Variants in OCA2 observed in about 807,000 individuals in gnomAD.
OCA2 encodes the protein P protein.
Under a neutral mutation model 100.2 loss-of-function variants are expected in OCA2, and 77 were observed. The ratio of observed to expected loss-of-function variants is 0.77; its 90% CI spans 0.64 to 0.93. The LOEUF is 0.93. OCA2 is among the 40% of genes least tolerant of loss of function. The pLI is 0.00. For synonymous variants in OCA2, 432 were observed against 439.2 expected (o/e 0.98, Z 0.21); for missense variants, 1,062 against 1,089.1 (o/e 0.98, Z 0.35).
chr15:28,025,567 C>G (rs2042725080), intron 4 of OCA2, among the ~76,000 whole-genome samples: 1 of 152,238 alleles, frequency 6.6e-6, no homozygotes, highest in Non-Finnish European at 1.5e-5. Flanking sequence ...GTCCTTGCTG[C>G]TCCCAGACCG....
downstream of OCA2, among the ~76,000 whole-genome samples, chr15:27,751,067 T>C (rs2030050178): frequency 6.6e-6 from 1 of 152,224 alleles, no homozygotes; most frequent in South Asian, 2.1e-4. Context: ...GAGGGACCTG[T>C]GGCCATTTAC....
intron 19 of OCA2, among the ~76,000 whole-genome samples, chr15:27,918,779 T>C (rs2038759866): frequency 6.6e-6 from 1 of 152,190 alleles, no homozygotes. Flanking sequence ...AGCAGCTGGA[T>C]AAATTGTCCC....
chr15:28,033,314 T>C (rs1420246666), intron 2 of OCA2, among the ~76,000 whole-genome samples: 2 of 152,236 alleles, frequency 1.3e-5, no homozygotes, highest in African/African-American at 4.8e-5. Flanking sequence ...AGAGATGCTG[T>C]AGATGCTATG....
chr15:27,831,695 T>C (rs1263709883), intron 23 of OCA2, among the ~76,000 whole-genome samples: 1 of 152,140 alleles, frequency 6.6e-6, no homozygotes, highest in Non-Finnish European at 1.5e-5. Flanking sequence ...CCGTTCTCTA[T>C]CACTGGAAGG....
chr15:27,917,597 T>G (rs1291746693), intron 19 of OCA2, among the ~76,000 whole-genome samples: 1 of 152,168 alleles, frequency 6.6e-6, no homozygotes, highest in East Asian at 1.9e-4. Flanking sequence ...CTCCCCATTA[T>G]GCCAGAGGCT....
chr15:27,966,478 T>C (rs2040570009), intron 15 of OCA2, among the ~76,000 whole-genome samples: 1 of 152,162 alleles, frequency 6.6e-6, no homozygotes, highest in Admixed American at 6.5e-5. Flanking sequence ...TCCCACATTT[T>C]ACCACAGTAC....
At chr15:27,885,495 T>C (rs8037794) in intron 19 of OCA2, among the ~76,000 whole-genome samples, 2,371 of 152,326 alleles carry the variant, frequency 0.016, 54 homozygotes, top group African/African-American at 0.05. Context: ...TTCCTAACAC[T>C]GCTGAGAAAT....
chr15:27,972,818 T>G (rs2040835230), intron 14 of OCA2, among the ~76,000 whole-genome samples: 1 of 147,372 alleles, frequency 6.8e-6, no homozygotes, highest in African/African-American at 2.5e-5. Flanking sequence ...TTTACTTTGA[T>G]GGTTATTTTA....
chr15:27,735,253 T>C, the OCA2 span, among the ~76,000 whole-genome samples: 2 of 152,026 alleles, frequency 1.3e-5, no homozygotes, highest in South Asian at 2.1e-4. Context: ...AACGTTGGAA[T>C]TGACCAAACA....
At chr15:27,848,546 C>G (rs1025087692) in intron 22 of OCA2, among the ~76,000 whole-genome samples, 1 of 152,176 alleles carries the variant, frequency 6.6e-6, no homozygotes, top group Non-Finnish European at 1.5e-5. Context: ...ATGAACAGCC[C>G]TGCCTGTCCT....
chr15:27,763,515 G>A (rs1331885413), intron 23 of OCA2, among the ~76,000 whole-genome samples: 4 of 152,210 alleles, frequency 2.6e-5, no homozygotes, highest in Admixed American at 6.5e-5. Context: ...GAAGCTATAT[G>A]AGTGGAAAAC....
At chr15:28,096,296 C>T (rs1435842646) in intron 1 of OCA2, among the ~76,000 whole-genome samples, 1 of 149,330 alleles carries the variant, frequency 6.7e-6, no homozygotes, top group Admixed American at 6.6e-5. Context: ...GGCCTGTCTC[C>T]GAGGTGTGGT....
chr15:27,824,617 T>TATATATATAATATA (rs1020369750), intron 23 of OCA2, among the ~76,000 whole-genome samples: 1 of 130,112 alleles, frequency 7.7e-6, no homozygotes, highest in Admixed American at 8.2e-5. Flanking sequence ...TATATATATA[T>TATATATATAATATA]ATATAATATA....
At chr15:27,898,928 CAGGA>C (rs1352577026) in intron 19 of OCA2, among the ~76,000 whole-genome samples, 1 of 152,068 alleles carries the variant, frequency 6.6e-6, no homozygotes, top group South Asian at 2.1e-4. Context: ...GAAGATAAAA[CAGGA>C]AGGAACACTT....
intron 2 of OCA2, among the ~76,000 whole-genome samples, chr15:28,053,941 C>T (rs7170059): frequency 0.092 from 13,973 of 152,114 alleles, 801 homozygotes; most frequent in African/African-American, 0.16. Flanking sequence ...CCTGGCTCAC[C>T]CCCTTCTAAA....
chr15:27,924,215 A>G (rs762079883), intron 19 of OCA2, among the ~76,000 whole-genome samples: 3 of 152,154 alleles, frequency 2.0e-5, no homozygotes, highest in Non-Finnish European at 4.4e-5. Context: ...CCATTGGTCT[A>G]TGTGACATAC....
At chr15:27,944,265 C>T (rs1479398731) in intron 18 of OCA2, among the ~76,000 whole-genome samples, 1 of 152,180 alleles carries the variant, frequency 6.6e-6, no homozygotes, top group Non-Finnish European at 1.5e-5. Flanking sequence ...TCTATCCAAT[C>T]CCCTTCTTGC....
intron 23 of OCA2, among the ~76,000 whole-genome samples, chr15:27,818,493 T>C (rs1217450910): frequency 6.6e-6 from 1 of 152,164 alleles, no homozygotes; most frequent in Non-Finnish European, 1.5e-5. Flanking sequence ...AGGCAAAATG[T>C]GATGAATGCC....
chr15:27,768,060 G>C (rs2031412502), intron 23 of OCA2, among the ~76,000 whole-genome samples: 1 of 152,140 alleles, frequency 6.6e-6, no homozygotes, highest in Admixed American at 6.5e-5. Context: ...AAAGCGGTTG[G>C]AAAGGCAGAC....
Sources: allele counts gnomAD v4.1 joint callset (sites outside exome capture counted in the v4.1 genomes callset), GRCh38; gene constraint gnomAD v4.1.1; transcripts MANE v1.5; gene names NCBI Gene and HGNC (gene_info 2026-07-23, HGNC 2026-07-21).